Variants in RSU1 observed in about 807,000 individuals in gnomAD.
RSU1 encodes the protein rsu-1.
A neutral mutation model predicts 31.1 loss-of-function variants in RSU1; 26 were observed. The observed-to-expected ratio is 0.84, with a 90% CI of 0.61 to 1.16. RSU1 has a LOEUF of 1.16. RSU1 is among the 50% of genes most tolerant of loss of function. The probability of loss-of-function intolerance (pLI) is 0.00; values close to 1 mark genes in which losing one functional copy is unlikely to be tolerated. For missense variants in RSU1, 320 were observed against 339.1 expected (o/e 0.94, Z 0.44); for synonymous variants, 164 against 136.3 (o/e 1.20, Z -1.41).
intron 3 of RSU1, among the ~76,000 whole-genome samples, chr10:16,776,507 A>G (rs1224856093): frequency 6.6e-6 from 1 of 151,664 alleles, no homozygotes; most frequent in Non-Finnish European, 1.5e-5. Context: ...AAAAAAACCC[A>G]CATTTTGCCA....
intron 8 of RSU1, among the ~76,000 whole-genome samples, chr10:16,607,245 A>G (rs935500957): frequency 2.6e-5 from 4 of 152,110 alleles, no homozygotes; most frequent in African/African-American, 4.8e-5. Flanking sequence ...AAGTTTCCTG[A>G]GACCTCCCCA....
At chr10:16,674,761 C>T (rs2131542036) in intron 8 of RSU1, among the ~76,000 whole-genome samples, 1 of 152,056 alleles carries the variant, frequency 6.6e-6, no homozygotes, top group Admixed American at 6.6e-5. Context: ...AAGTGTAAAG[C>T]CGGCCAGAAG....
chr10:16,680,421 G>A (rs12414052), intron 8 of RSU1, among the ~76,000 whole-genome samples: 23,451 of 152,002 alleles, frequency 0.15, 2,093 homozygotes, highest in East Asian at 0.35. Flanking sequence ...TCATTCTTGC[G>A]TTGCTATAAA....
chr10:16,688,137 A>C (rs1835473275), intron 8 of RSU1, among the ~76,000 whole-genome samples: 1 of 152,170 alleles, frequency 6.6e-6, no homozygotes, highest in Admixed American at 6.5e-5. Flanking sequence ...GTTAACATGA[A>C]ATAAGAGATG....
At chr10:16,640,424 T>G (rs373828947) in intron 8 of RSU1, among the ~76,000 whole-genome samples, 2 of 152,160 alleles carry the variant, frequency 1.3e-5, no homozygotes, top group Admixed American at 6.5e-5. Flanking sequence ...CCTCTCCACC[T>G]CATTCTATGC....
At position 16,593,275 on chromosome 10, in the gene RSU1, A is replaced by AAAAG. The variant is rs1308818473; in HGVS notation, c.*115_*118dup. The AAAAG allele has an allele frequency of 6.7e-7, 1 of 1,499,266 alleles. No individual in the cohort carries two copies. The highest frequency in any genetic ancestry group is 1.4e-5 in the South Asian group (1 of 74,062). 92.9% of individuals were successfully genotyped at this position (1,499,266 alleles called of 1,614,324 possible). A position where few individuals can be genotyped will look rare whatever the true frequency, so the allele number is the denominator to read the frequency against. The stretch of plus-strand genomic sequence containing the variant: ...GGTGGGAAGCATTAGAAAGAGAGTG[A>AAAAG]AAAGAAAAATAAAAAAGGCCTCACA... On this transcript the variant is annotated 3_prime_UTR_variant, in exon 9 of 9. Coordinates refer to ENST00000345264, the MANE Select transcript of RSU1 (RefSeq NM_012425.4).
At chr10:16,805,394 G>A (rs535747578) in intron 2 of RSU1, among the ~76,000 whole-genome samples, 33 of 152,120 alleles carry the variant, frequency 2.2e-4, no homozygotes, top group South Asian at 6.2e-4. Context: ...TTTTTTGGCC[G>A]GGAGCGGTGG....
chr10:16,612,669 TAC>T (rs1031948653), intron 8 of RSU1, among the ~76,000 whole-genome samples: 2 of 152,312 alleles, frequency 1.3e-5, no homozygotes, highest in Admixed American at 6.5e-5. Flanking sequence ...AGCCTCCAGC[TAC>T]ACTCTCTGTT....
At chr10:16,652,946 C>T (rs1419854742) in intron 8 of RSU1, among the ~76,000 whole-genome samples, 2 of 151,926 alleles carry the variant, frequency 1.3e-5, no homozygotes, top group Admixed American at 6.6e-5. Context: ...CCCAAAGTGC[C>T]GAGATTACAT....
intron 7 of RSU1, among the ~76,000 whole-genome samples, chr10:16,738,016 C>G (rs1277599897): frequency 6.6e-6 from 1 of 152,166 alleles, no homozygotes; most frequent in Non-Finnish European, 1.5e-5. Flanking sequence ...TGAAAACAAA[C>G]AAATTCTCAA....
At chr10:16,717,093 A>C (rs988804059) in intron 7 of RSU1, among the ~76,000 whole-genome samples, 5 of 152,190 alleles carry the variant, frequency 3.3e-5, no homozygotes, top group African/African-American at 1.2e-4. Flanking sequence ...AATACCCTTG[A>C]ATCCAATTTT....
At chr10:16,762,348 A>G (rs1439682051) in intron 4 of RSU1, among the ~76,000 whole-genome samples, 3 of 151,488 alleles carry the variant, frequency 2.0e-5, no homozygotes, top group South Asian at 4.2e-4. Context: ...CATTTAATAA[A>G]TGAACAAATT....
intron 2 of RSU1, among the ~76,000 whole-genome samples, chr10:16,798,231 C>T (rs1160557216): frequency 6.6e-6 from 1 of 152,104 alleles, no homozygotes; most frequent in Non-Finnish European, 1.5e-5. Flanking sequence ...AAAAAATCAA[C>T]ATACAGACCC....
At chr10:16,753,135 A>G in intron 5 of RSU1, 135 bp from the exon 6 acceptor site, 1 of 621,664 alleles carries the variant, frequency 1.6e-6, no homozygotes, top group Non-Finnish European at 2.9e-6. Flanking sequence ...AGGGCTCCCA[A>G]TAATAACAAG....
At chr10:16,757,197 T>G (rs1444186032) in intron 4 of RSU1, among the ~76,000 whole-genome samples, 1 of 152,024 alleles carries the variant, frequency 6.6e-6, no homozygotes, top group African/African-American at 2.4e-5. Context: ...TTCAAGCCCC[T>G]TATTTTTCTT....
rs371190541 is a variant in RSU1, at chr10:16,691,379, G to GTTTTT, written c.731+3639_731+3643dup. ...AACACAATAGCGGCATTTTTGTGCA[G>GTTTTT]TTTTTTTTTTTTTTTTAATGATTAA... On this transcript the variant is annotated intron_variant, in intron 8 of 8. Transcript: ENST00000345264. 1.2e-3 allele frequency among the ~76,000 whole-genome samples: 160 copies of GTTTTT among 133,800 alleles called. 1 individual carries two copies. The highest frequency in any genetic ancestry group is 3.7e-3 in the African/African-American group (133 of 35,708). 87.8% of individuals were successfully genotyped at this position (133,800 alleles called of 152,430 possible).
At chr10:16,815,669 C>G (rs1838513450) in intron 2 of RSU1, among the ~76,000 whole-genome samples, 2 of 152,112 alleles carry the variant, frequency 1.3e-5, no homozygotes, top group Admixed American at 6.6e-5. Context: ...AGAAGAGAGA[C>G]TTCTAGATTA....
intron 8 of RSU1, among the ~76,000 whole-genome samples, chr10:16,596,684 T>C (rs1250484231): frequency 6.6e-6 from 1 of 152,168 alleles, no homozygotes; most frequent in African/African-American, 2.4e-5. Flanking sequence ...AAAATACGTA[T>C]GTACATTTTT....
chr10:16,729,872 T>A (rs1045032579), intron 7 of RSU1, among the ~76,000 whole-genome samples: 5 of 152,220 alleles, frequency 3.3e-5, no homozygotes, highest in Non-Finnish European at 5.9e-5. Flanking sequence ...CAAATGTGAA[T>A]GTAACAGACT....
Sources: allele counts gnomAD v4.1 joint callset (sites outside exome capture counted in the v4.1 genomes callset), GRCh38; gene constraint gnomAD v4.1.1; transcripts MANE v1.5; gene names NCBI Gene and HGNC (gene_info 2026-07-23, HGNC 2026-07-21).